OPCML: variants seen among roughly 807,000 people sequenced by gnomAD.
OPCML encodes the protein opioid binding protein/cell adhesion molecule like.
A neutral mutation model predicts 37.8 loss-of-function variants in OPCML; 13 were observed. The observed-to-expected ratio is 0.34, with a 90% confidence interval of 0.22 to 0.55. OPCML has a LOEUF of 0.55. OPCML is among the 20% of genes least tolerant of loss of function. OPCML has a pLI of 0.91. For synonymous variants in OPCML, 176 were observed against 168.8 expected (o/e 1.04, Z -0.33); for missense variants, 341 against 435.6 (o/e 0.78, Z 1.93).
chr11:133,109,354 G>A (rs970978418), intron 1 of OPCML, among the ~76,000 whole-genome samples: 1 of 152,132 alleles, frequency 6.6e-6, no homozygotes, highest in Non-Finnish European at 1.5e-5. Context: ...CTGCTGGCTG[G>A]GGGTGGTCGG....
chr11:133,486,487 C>T (rs1947528097), intron 1 of OPCML, among the ~76,000 whole-genome samples: 1 of 152,088 alleles, frequency 6.6e-6, no homozygotes, highest in Non-Finnish European at 1.5e-5. Context: ...CTCAGAATTA[C>T]ACTATCAGGT....
intron 2 of OPCML, among the ~76,000 whole-genome samples, chr11:132,884,544 TG>T (rs1361039660): frequency 1.3e-5 from 2 of 152,210 alleles, no homozygotes; most frequent in African/African-American, 4.8e-5. Context: ...ACATATAAAG[TG>T]GGAATTCTGT....
At chr11:132,560,714 C>A (rs190842252) in intron 3 of OPCML, among the ~76,000 whole-genome samples, 1 of 152,078 alleles carries the variant, frequency 6.6e-6, no homozygotes, top group Non-Finnish European at 1.5e-5. Flanking sequence ...TGCTTGGTGG[C>A]CATTTGTATA....
intron 2 of OPCML, among the ~76,000 whole-genome samples, chr11:132,725,259 A>G (rs1591521189): frequency 6.6e-6 from 1 of 152,200 alleles, no homozygotes; most frequent in South Asian, 2.1e-4. Context: ...CAGGCTCAAC[A>G]CCATGTGGAA....
Position 132,419,947 on chromosome 11 carries a change from C to T in OPCML, c.*246G>A. 2.1e-6 allele frequency: 1 copy of T among 479,710 alleles called. No homozygotes were observed. The highest frequency in any genetic ancestry group is 2.9e-5 in the South Asian group (1 of 34,514). 29.7% of individuals were successfully genotyped at this position (479,710 alleles called of 1,614,324 possible). A position where few individuals can be genotyped will look rare whatever the true frequency, so the allele number is the denominator to read the frequency against. On this transcript the variant is annotated 3_prime_UTR_variant, in exon 8 of 8. Transcript: ENST00000524381. ...GGGTCAAGGTAGCAGGAGCAGACCCCATTTTTGGACACACCAATGAATGAT... is the reference window on the plus strand; with the variant it reads ...GGGTCAAGGTAGCAGGAGCAGACCCTATTTTTGGACACACCAATGAATGAT...
intron 3 of OPCML, among the ~76,000 whole-genome samples, chr11:132,625,487 G>A (rs542542062): frequency 6.6e-6 from 1 of 152,234 alleles, no homozygotes; most frequent in African/African-American, 2.4e-5. Context: ...TCTGAGCCGA[G>A]GCAGTTACTT....
intron 3 of OPCML, among the ~76,000 whole-genome samples, chr11:132,642,280 C>T (rs146232456): frequency 6.6e-5 from 10 of 152,322 alleles, no homozygotes; most frequent in African/African-American, 2.4e-4. Flanking sequence ...TTCATTCTCT[C>T]TCAATGAGTA....
intron 2 of OPCML, among the ~76,000 whole-genome samples, chr11:132,662,887 G>T (rs1299491156): frequency 6.6e-6 from 1 of 152,214 alleles, no homozygotes; most frequent in Non-Finnish European, 1.5e-5. Flanking sequence ...CTCACAAATG[G>T]TGTCCTCATA....
At chr11:133,210,391 C>T (rs1939303406) in intron 1 of OPCML, among the ~76,000 whole-genome samples, 1 of 152,126 alleles carries the variant, frequency 6.6e-6, no homozygotes, top group Non-Finnish European at 1.5e-5. Context: ...CTCCCGCCAG[C>T]CCCTCCCTTC....
At chr11:132,611,726 G>A (rs774699333) in intron 3 of OPCML, among the ~76,000 whole-genome samples, 2 of 152,176 alleles carry the variant, frequency 1.3e-5, no homozygotes, top group Admixed American at 6.6e-5. Context: ...AATGATGTCA[G>A]TATTATGAGA....
intron 3 of OPCML, among the ~76,000 whole-genome samples, chr11:132,618,738 A>C (rs1336950743): frequency 6.6e-6 from 1 of 152,178 alleles, no homozygotes; most frequent in African/African-American, 2.4e-5. Flanking sequence ...GGCATTAATT[A>C]CATTTAAAAT....
At chr11:132,478,577 G>A (rs1287833080) in intron 4 of OPCML, among the ~76,000 whole-genome samples, 1 of 152,138 alleles carries the variant, frequency 6.6e-6, no homozygotes, top group East Asian at 1.9e-4. Context: ...CTTAAAAATA[G>A]AAAACAAAAA....
intron 1 of OPCML, among the ~76,000 whole-genome samples, chr11:132,976,195 G>A (rs991221199): frequency 6.6e-6 from 1 of 152,160 alleles, no homozygotes; most frequent in Non-Finnish European, 1.5e-5. Context: ...AGAAATGCCA[G>A]CAATTTCCAG....
intron 2 of OPCML, among the ~76,000 whole-genome samples, chr11:132,906,511 A>C (rs533241665): frequency 5.8e-4 from 89 of 152,210 alleles, no homozygotes; most frequent in Non-Finnish European, 8.1e-4. Flanking sequence ...TAGATTGTGT[A>C]GGCACCATAT....
chr11:133,487,943 T>C (rs528912110), intron 1 of OPCML, among the ~76,000 whole-genome samples: 34 of 152,194 alleles, frequency 2.2e-4, no homozygotes, highest in African/African-American at 7.2e-4. Context: ...GTGGGATTCA[T>C]CCCAGGGATG....
intron 1 of OPCML, among the ~76,000 whole-genome samples, chr11:133,140,531 T>TAATAATAATAATAATAATAATAAG (rs1272061685): frequency 5.0e-4 from 44 of 88,106 alleles, no homozygotes; most frequent in Non-Finnish European, 7.3e-4. Context: ...ATAATAATAA[T>TAATAATAATAATAATAATAATAAG]AAGAAGAAGA....
At chr11:132,467,698 C>T (rs547808240) in intron 4 of OPCML, among the ~76,000 whole-genome samples, 1 of 152,144 alleles carries the variant, frequency 6.6e-6, no homozygotes, top group Non-Finnish European at 1.5e-5. Flanking sequence ...CTCCCCAAGG[C>T]AGCACTGTGA....
chr11:133,223,576 A>C (rs1386877623), intron 1 of OPCML, among the ~76,000 whole-genome samples: 1 of 152,192 alleles, frequency 6.6e-6, no homozygotes. Flanking sequence ...GGGAGCACTT[A>C]GAGAAAGGAA....
intron 4 of OPCML, among the ~76,000 whole-genome samples, chr11:132,497,343 T>C (rs2096234529): frequency 6.8e-6 from 1 of 147,576 alleles, no homozygotes; most frequent in Non-Finnish European, 1.5e-5. Context: ...CAAACCACCA[T>C]GGCACACATT....
Sources: allele counts gnomAD v4.1 joint callset (sites outside exome capture counted in the v4.1 genomes callset), GRCh38; gene constraint gnomAD v4.1.1; transcripts MANE v1.5; gene names NCBI Gene and HGNC (gene_info 2026-07-23, HGNC 2026-07-21).